AP4E1: variants seen among roughly 807,000 people sequenced by gnomAD.
The protein encoded by AP4E1 is AP-4 complex subunit epsilon-1.
AP4E1 carries 56 observed loss-of-function variants against 128.2 expected under a neutral mutation model. The observed-to-expected ratio is 0.44, with a 90% CI of 0.35 to 0.55. The LOEUF (loss-of-function observed/expected upper bound fraction) is 0.55, where lower values mean the gene tolerates loss of function less well. Among genes scored for constraint, AP4E1 ranks in the 20% least tolerant of loss-of-function variants. The pLI, the probability that AP4E1 is intolerant of heterozygous loss-of-function variation, is 0.00. For synonymous variants in AP4E1, 484 were observed against 473.1 expected, an observed-to-expected ratio of 1.02 and a Z score of -0.30; for missense variants, 1,324 against 1,307.7, an observed-to-expected ratio of 1.01 and a Z score of -0.19.
chr15:50,972,805 A>G lies in AP4E1; in HGVS notation c.1966+4428A>G, dbSNP rs1251880444. 2.0e-5 allele frequency among the ~76,000 whole-genome samples: 3 copies of G among 152,058 alleles called. No individual in the cohort carries two copies. In the South Asian group the frequency reaches 6.2e-4, roughly 31 times the overall value. On this transcript the variant is annotated intron_variant, in intron 15 of 20. Coordinates refer to ENST00000261842, the MANE Select transcript of AP4E1 (RefSeq NM_007347.5). ...TATGGGGCTGTTTCTTAGGCTCATG[A>G]TGTGGGTGCAAGGCTGTTTGGCTGG...
At chr15:50,945,964 GAGA>G (rs1218477207) in intron 10 of AP4E1, 5 of 1,293,678 alleles carry the variant, frequency 3.9e-6, no homozygotes, top group South Asian at 1.2e-5. Context: ...AATTGTGTCA[GAGA>G]AGAAGAAACA....
At chr15:50,915,021 A>G (rs906110949) in intron 2 of AP4E1, among the ~76,000 whole-genome samples, 1 of 152,206 alleles carries the variant, frequency 6.6e-6, no homozygotes, top group African/African-American at 2.4e-5. Flanking sequence ...TTTTTGTTAC[A>G]GGAATTATTA....
intron 3 of AP4E1, among the ~76,000 whole-genome samples, chr15:50,921,792 T>C (rs2063705926): frequency 6.6e-6 from 1 of 152,188 alleles, no homozygotes; most frequent in Admixed American, 6.5e-5. Context: ...TTTGTAATCG[T>C]AGTTATTATT....
intron 16 of AP4E1, among the ~76,000 whole-genome samples, chr15:50,989,484 T>C (rs1450520170): frequency 6.6e-6 from 1 of 152,012 alleles, no homozygotes; most frequent in African/African-American, 2.4e-5. Context: ...TTCTTTTTCT[T>C]ATCTTTTTTT....
chr15:50,979,075 G>A (rs2064600980), intron 15 of AP4E1, among the ~76,000 whole-genome samples: 1 of 152,002 alleles, frequency 6.6e-6, no homozygotes, highest in Non-Finnish European at 1.5e-5. Flanking sequence ...CTAATTTTGA[G>A]CTTCTTTCTG....
intron 13 of AP4E1, among the ~76,000 whole-genome samples, chr15:50,958,231 C>A (rs2064258027): frequency 6.6e-6 from 1 of 152,220 alleles, no homozygotes; most frequent in Non-Finnish European, 1.5e-5. Flanking sequence ...AAACCAACAA[C>A]CAACTCCAGA....
rs751357752 is a variant in AP4E1 at position 50,941,501 on chromosome 15, G to A, written c.1003G>A (p.Glu335Lys). The A allele has an allele frequency of 6.2e-7, 1 of 1,613,162 alleles. No individual in the cohort carries two copies. Among genetic ancestry groups the A allele is most frequent in the East Asian group, 2.2e-5 (1 of 44,792 alleles). The change falls in exon 9 of 21, where the codon GAG (glutamate) becomes AAG (lysine). Residue 335 changes from glutamate to lysine, a missense_variant. Transcript: ENST00000261842. ...YSIYPKSELLEKAAKCIGKFV... is the reference protein window; with the variant it reads ...YSIYPKSELLKKAAKCIGKFV... The stretch of plus-strand genomic sequence containing the variant: ...TATTTATCCTAAATCGGAATTACTT[G>A]AGAAGGCTGCCAAGTGCATTGGAAA...
chr15:50,914,926 A>G (rs912674767), intron 2 of AP4E1, among the ~76,000 whole-genome samples: 11 of 152,198 alleles, frequency 7.2e-5, no homozygotes, highest in Admixed American at 6.5e-5. Flanking sequence ...AAGAGTGCCT[A>G]TAAAGCAAAC....
chr15:50,928,373 T>G (rs1457105567), intron 5 of AP4E1, among the ~76,000 whole-genome samples: 1 of 152,248 alleles, frequency 6.6e-6, no homozygotes, highest in Non-Finnish European at 1.5e-5. Context: ...CTGCAACTTC[T>G]GCCTCCCAGG....
At chr15:50,931,902 G>T (rs1271025835) in intron 7 of AP4E1, among the ~76,000 whole-genome samples, 1 of 151,966 alleles carries the variant, frequency 6.6e-6, no homozygotes, top group East Asian at 1.9e-4. Flanking sequence ...TCATTTATCT[G>T]AATTATTCTT....
At chr15:50,937,767 G>A (rs1437607023) in intron 8 of AP4E1, among the ~76,000 whole-genome samples, 1 of 152,038 alleles carries the variant, frequency 6.6e-6, no homozygotes, top group East Asian at 1.9e-4. Context: ...TGTAGACATG[G>A]GGCTATTTAA....
chr15:50,983,437 A>G (rs1412125947), intron 15 of AP4E1, among the ~76,000 whole-genome samples: 1 of 152,194 alleles, frequency 6.6e-6, no homozygotes, highest in Non-Finnish European at 1.5e-5. Flanking sequence ...CTAGATAAGA[A>G]TTGAGGGGTT....
intron 7 of AP4E1, among the ~76,000 whole-genome samples, chr15:50,932,669 C>T (rs1447195588): frequency 1.3e-5 from 2 of 152,178 alleles, no homozygotes; most frequent in Non-Finnish European, 2.9e-5. Context: ...GGACCATTCT[C>T]CAGGCTTTTG....
At chr15:50,946,645 T>C (rs1422699253) in intron 10 of AP4E1, among the ~76,000 whole-genome samples, 1 of 152,190 alleles carries the variant, frequency 6.6e-6, no homozygotes, top group Non-Finnish European at 1.5e-5. Flanking sequence ...ACCCTAAATA[T>C]ATTGAGTAAG....
chr15:50,992,538 T>G (rs375920438), intron 16 of AP4E1, among the ~76,000 whole-genome samples: 2 of 152,212 alleles, frequency 1.3e-5, no homozygotes, highest in Non-Finnish European at 2.9e-5. Flanking sequence ...GATTCACAAC[T>G]GCAACTTTTG....
At chr15:50,962,628 A>G (rs2064330819) in intron 14 of AP4E1, among the ~76,000 whole-genome samples, 2 of 152,110 alleles carry the variant, frequency 1.3e-5, no homozygotes, top group Non-Finnish European at 2.9e-5. Context: ...AATTTAATGT[A>G]AGATCCAAAA....
At chr15:50,997,287 AATG>A in intron 17 of AP4E1, 36 bp from the exon 18 acceptor site, 1 of 1,510,672 alleles carries the variant, frequency 6.6e-7, no homozygotes, top group Non-Finnish European at 8.9e-7. Context: ...TGACTAGTAG[AATG>A]ATTTCTTTTT....
intron 3 of AP4E1, among the ~76,000 whole-genome samples, chr15:50,918,806 A>G (rs1247477206): frequency 6.6e-6 from 1 of 152,214 alleles, no homozygotes; most frequent in Non-Finnish European, 1.5e-5. Context: ...TTGTTTTGAC[A>G]TCTTTATACT....
intron 20 of AP4E1, 136 bp from the exon 21 acceptor site, chr15:51,002,366 A>G (rs888291463): frequency 1.1e-6 from 1 of 871,804 alleles, no homozygotes; most frequent in East Asian, 2.5e-5. Context: ...CTGTGGTTTC[A>G]ATTTGCAGTC....
Sources: allele counts gnomAD v4.1 joint callset (sites outside exome capture counted in the v4.1 genomes callset), GRCh38; gene constraint gnomAD v4.1.1; transcripts MANE v1.5; gene names NCBI Gene and HGNC (gene_info 2026-07-23, HGNC 2026-07-21).